The following ANGPT1 variants were observed in gnomAD, a reference collection of about 807,000 sequenced individuals.
The protein encoded by ANGPT1 is angiopoietin 1, also known as angiopoietin-1.
A neutral mutation model predicts 62.2 loss-of-function variants in ANGPT1; 17 were observed. The observed-to-expected ratio is 0.27, with a 90% confidence interval of 0.19 to 0.41. The LOEUF is 0.41. ANGPT1 is among the 10% of genes least tolerant of loss of function. ANGPT1 has a pLI of 1.00. For synonymous variants in ANGPT1, 199 were observed against 198.9 expected (o/e 1.00, Z 0.00); for missense variants, 478 against 594.9 (o/e 0.80, Z 2.04).
Position 107,374,943 on chromosome 8 carries a change from C to T in ANGPT1, c.298-27846G>A, listed in dbSNP as rs532559033. ...TTGGGAGGCCGAGGAGGGCGGATCA[C>T]GAGGTCAGGAGATTCAGACCAGCCT... On this transcript the variant is annotated intron_variant, in intron 1 of 8. Coordinates refer to ENST00000517746, the MANE Select transcript of ANGPT1 (RefSeq NM_001146.5). 6.6e-5 allele frequency among the ~76,000 whole-genome samples: 10 copies of T among 152,242 alleles called. No individual in the cohort carries two copies. In the South Asian group the frequency reaches 1.9e-3, roughly 28 times the overall value.
At chr8:107,254,650 C>T (rs1055047839) in intron 8 of ANGPT1, among the ~76,000 whole-genome samples, 1 of 152,044 alleles carries the variant, frequency 6.6e-6, no homozygotes, top group Admixed American at 6.5e-5. Context: ...AAGCAGAATA[C>T]AGCACCTGCA....
intron 1 of ANGPT1, among the ~76,000 whole-genome samples, chr8:107,431,036 G>C (rs773604952): frequency 2.0e-5 from 3 of 152,172 alleles, no homozygotes; most frequent in Non-Finnish European, 4.4e-5. Flanking sequence ...ATTGCTATCT[G>C]AACTTGGTGT....
chr8:107,273,338 T>A (rs560993120), intron 7 of ANGPT1, among the ~76,000 whole-genome samples: 38 of 152,030 alleles, frequency 2.5e-4, no homozygotes, highest in Non-Finnish European at 4.1e-4. Flanking sequence ...AGAAAATACT[T>A]TCCCTTGTTG....
intron 1 of ANGPT1, among the ~76,000 whole-genome samples, chr8:107,411,505 C>G (rs7840177): frequency 4.0e-5 from 6 of 151,628 alleles, no homozygotes; most frequent in African/African-American, 1.2e-4. Context: ...ATAAATAGAA[C>G]GAAGATAAAA....
At chr8:107,421,653 C>A (rs753822832) in intron 1 of ANGPT1, among the ~76,000 whole-genome samples, 38 of 152,120 alleles carry the variant, frequency 2.5e-4, no homozygotes, top group Non-Finnish European at 5.1e-4. Context: ...AAAGCAAAGC[C>A]GCTCTTTGAA....
At chr8:107,434,546 T>C (rs753910628) in intron 1 of ANGPT1, among the ~76,000 whole-genome samples, 1 of 152,036 alleles carries the variant, frequency 6.6e-6, no homozygotes, top group Non-Finnish European at 1.5e-5. Flanking sequence ...AGATGAACGA[T>C]TAAAGAGACT....
chr8:107,272,888 A>AT (rs1813771829), intron 7 of ANGPT1, among the ~76,000 whole-genome samples: 1 of 70,508 alleles, frequency 1.4e-5, no homozygotes, highest in Non-Finnish European at 2.9e-5. Flanking sequence ...TTAAGAATAC[A>AT]TAAAAAAAAA....
chr8:107,383,397 A>G (rs572714069), intron 1 of ANGPT1, among the ~76,000 whole-genome samples: 3 of 152,320 alleles, frequency 2.0e-5, no homozygotes, highest in African/African-American at 7.2e-5. Context: ...CAAACTGAGC[A>G]AACATAGCTG....
At chr8:107,343,119 G>A (rs553680972) in intron 2 of ANGPT1, among the ~76,000 whole-genome samples, 12 of 151,720 alleles carry the variant, frequency 7.9e-5, no homozygotes, top group Non-Finnish European at 1.0e-4. Context: ...TTTTAGGTGC[G>A]GGCCACTCTA....
chr8:107,492,046 A>AG (rs1369432530), intron 1 of ANGPT1, among the ~76,000 whole-genome samples: 2 of 151,142 alleles, frequency 1.3e-5, no homozygotes, highest in African/African-American at 4.9e-5. Flanking sequence ...TGGGTCTGAA[A>AG]GGGTTTTTTT....
intron 7 of ANGPT1, among the ~76,000 whole-genome samples, chr8:107,277,185 C>G (rs1378591915): frequency 2.6e-5 from 4 of 151,992 alleles, no homozygotes; most frequent in African/African-American, 7.3e-5. Context: ...CCATCTGTGA[C>G]AGAGGATTTA....
chr8:107,357,256 T>C (rs1166739042), intron 1 of ANGPT1, among the ~76,000 whole-genome samples: 1 of 152,156 alleles, frequency 6.6e-6, no homozygotes, highest in Non-Finnish European at 1.5e-5. Context: ...TTTCCCAAAT[T>C]CTAAAATTAT....
At chr8:107,346,241 A>G (rs962611866) in intron 2 of ANGPT1, among the ~76,000 whole-genome samples, 45 of 152,200 alleles carry the variant, frequency 3.0e-4, no homozygotes, top group Non-Finnish European at 5.9e-4. Flanking sequence ...ACATTGGGAT[A>G]GAATCATCCC....
intron 1 of ANGPT1, among the ~76,000 whole-genome samples, chr8:107,380,296 A>G (rs1014750649): frequency 5.9e-5 from 9 of 152,098 alleles, no homozygotes; most frequent in Admixed American, 2.0e-4. Flanking sequence ...GCTACATGAT[A>G]TAATCAATCA....
At chr8:107,277,807 A>G (rs752553512) in intron 7 of ANGPT1, among the ~76,000 whole-genome samples, 45 of 152,162 alleles carry the variant, frequency 3.0e-4, no homozygotes, top group Non-Finnish European at 2.6e-4. Flanking sequence ...GCTGACCCAA[A>G]GTCTTGAAAA....
At chr8:107,264,407 C>G in intron 7 of ANGPT1, 56 bp from the exon 8 acceptor site, 9 of 1,571,940 alleles carry the variant, frequency 5.7e-6, no homozygotes, top group Non-Finnish European at 7.8e-6. Context: ...TAACAGAACC[C>G]AGAAGACCAG....
chr8:107,354,766 C>T (rs1048645834), intron 1 of ANGPT1, among the ~76,000 whole-genome samples: 5 of 152,154 alleles, frequency 3.3e-5, no homozygotes, highest in African/African-American at 4.8e-5. Context: ...TATTCCTTGT[C>T]TTTCTCCAAC....
At chr8:107,496,851 G>A (rs1299887470) in intron 1 of ANGPT1, among the ~76,000 whole-genome samples, 2 of 151,832 alleles carry the variant, frequency 1.3e-5, no homozygotes, top group African/African-American at 2.4e-5. Flanking sequence ...CCACCCCAGC[G>A]GCACAAAATT....
At chr8:107,303,544 A>C (rs1364780181) in intron 4 of ANGPT1, among the ~76,000 whole-genome samples, 177 bp from the exon 5 acceptor site, 1 of 147,892 alleles carries the variant, frequency 6.8e-6, no homozygotes, top group Non-Finnish European at 1.5e-5. Context: ...ACAAAATTAA[A>C]AAAAAAAAAC....
Sources: gnomAD v4.1 joint callset for allele counts (sites outside exome capture counted in the v4.1 genomes callset) on GRCh38, gnomAD v4.1.1 for gene constraint, MANE v1.5 for transcripts, NCBI Gene and HGNC (gene_info 2026-07-23, HGNC 2026-07-21) for gene names.